Variants in COLGALT2 observed in about 807,000 individuals in gnomAD.
The protein encoded by COLGALT2 is procollagen galactosyltransferase 2.
COLGALT2 carries 49 observed loss-of-function variants against 73.4 expected under a neutral mutation model. The ratio of observed to expected loss-of-function variants is 0.67; its 90% CI spans 0.53 to 0.85. The LOEUF (loss-of-function observed/expected upper bound fraction) is 0.85, where lower values mean the gene tolerates loss of function less well. COLGALT2 is among the 40% of genes least tolerant of loss of function. The pLI is 0.00. For missense variants in COLGALT2, 722 were observed against 790.2 expected, an observed-to-expected ratio of 0.91 and a Z score of 1.03; for synonymous variants, 295 against 307.6, an observed-to-expected ratio of 0.96 and a Z score of 0.43.
intron 1 of COLGALT2, among the ~76,000 whole-genome samples, chr1:184,012,588 C>A (rs1174829711): frequency 6.6e-6 from 1 of 152,126 alleles, no homozygotes; most frequent in Non-Finnish European, 1.5e-5. Flanking sequence ...CATGGAAATT[C>A]TAATAAACAT....
In COLGALT2 at chr1:183,938,799, T is replaced by C. The variant is rs201706556; in HGVS notation, c.1843A>G (p.Thr615Ala). ...CTTGAAGGCACAGTGTCCAGGGAGG[T>C]TGGCGGTGGCAGGGCCTCTGTGTTC... is the stretch of plus-strand genomic sequence containing the variant. ...AKNTEALPPP[T>A]SLDTVPSRDE... The change falls in exon 12 of 12, where the codon ACC becomes GCC. Residue 615 changes from threonine (T) to alanine (A), a missense_variant. By Grantham distance (58) the Thr-to-Ala change is moderately conservative. Transcript: ENST00000361927. The C allele has an allele frequency of 9.9e-6, 16 of 1,613,940 alleles. No individual in the cohort carries two copies. The highest frequency in any genetic ancestry group is 5.0e-5 in the Admixed American group (3 of 60,006).
At chr1:184,000,348 T>G (rs1020212440) in intron 1 of COLGALT2, among the ~76,000 whole-genome samples, 7 of 152,084 alleles carry the variant, frequency 4.6e-5, no homozygotes, top group African/African-American at 1.7e-4. Context: ...TGTTTTCCTC[T>G]CATTTTATGT....
chr1:184,028,126 G>T (rs182271069), intron 1 of COLGALT2, among the ~76,000 whole-genome samples: 63 of 152,286 alleles, frequency 4.1e-4, no homozygotes, highest in Non-Finnish European at 6.8e-4. Context: ...TTATGGGGCT[G>T]GCTGGCAACC....
At chr1:183,957,050 C>A (rs1670572456) in intron 6 of COLGALT2, among the ~76,000 whole-genome samples, 1 of 152,056 alleles carries the variant, frequency 6.6e-6, no homozygotes, top group African/African-American at 2.4e-5. Context: ...CCACTTGGGA[C>A]AATGGGCTTC....
intron 1 of COLGALT2, among the ~76,000 whole-genome samples, chr1:183,985,427 C>T (rs184491579): frequency 4.2e-4 from 64 of 152,334 alleles, no homozygotes; most frequent in Non-Finnish European, 1.2e-4. Flanking sequence ...CATGCGCCAC[C>T]ATGCCCAGCT....
intron 1 of COLGALT2, among the ~76,000 whole-genome samples, chr1:183,992,923 T>C (rs1044240644): frequency 4.6e-5 from 7 of 152,220 alleles, no homozygotes; most frequent in Non-Finnish European, 2.9e-5. Context: ...AATGTATTTC[T>C]CCTCTAATGG....
At chr1:183,998,121 G>A (rs1377681990) in intron 1 of COLGALT2, among the ~76,000 whole-genome samples, 3 of 152,214 alleles carry the variant, frequency 2.0e-5, no homozygotes, top group Non-Finnish European at 4.4e-5. Context: ...AGTCCCAGGA[G>A]CAGTATATGC....
chr1:183,978,499 C>A lies in COLGALT2; in HGVS notation c.285G>T (p.Val95=), dbSNP rs11579482. Residue 95 remains valine, a synonymous_variant, in exon 2 of 12, where the codon GTG becomes GTT. Transcript: ENST00000361927. Reference sequence around the variant, plus strand: ...CCCTGAATATTTCTGTTGTATTATCCACATTGTGATCAGTGGCTGCCCTGC... The same window carrying A: ...CCCTGAATATTTCTGTTGTATTATCAACATTGTGATCAGTGGCTGCCCTGC... ...MAIWAATDHN[V]DNTTEIFREW... 24,300 of 1,607,274 alleles carry A rather than the reference C, an allele frequency of 0.015. 238 individuals carry two copies. Among genetic ancestry groups the A allele is most frequent in the Middle Eastern group, 0.019 (116 of 6,044 alleles).
downstream of COLGALT2, chr1:183,935,696 C>G (rs1669933167): frequency 4.0e-6 from 1 of 247,996 alleles, no homozygotes; most frequent in African/African-American, 2.3e-5. Context: ...AGCAACCACC[C>G]TCCCCTCATT....
At chr1:183,934,751 A>T (rs763866464), downstream of COLGALT2, among the ~76,000 whole-genome samples, 1 of 152,094 alleles carries the variant, frequency 6.6e-6, no homozygotes, top group Non-Finnish European at 1.5e-5. Flanking sequence ...AGCGGGAGGG[A>T]TTTGCTCCAA....
Position 183,978,447 on chromosome 1 carries a change from A to G in COLGALT2, c.337T>C (p.Tyr113His), listed in dbSNP as rs1305194106. Residue 113 changes from tyrosine to histidine, a missense_variant, in exon 2 of 12, where the codon TAT becomes CAT. By Grantham distance (83) the Tyr-to-His change is moderately conservative. Transcript: ENST00000361927. ...REWLKNVQRL[Y>H]HYVEWRPMDE... is the part of the protein sequence containing the mutation. The stretch of plus-strand genomic sequence containing the variant: ...ATAGGCCTCCACTCCACATAGTGAT[A>G]GAGTCTCTGTACATTTTTCAACCAC... The G allele has an allele frequency of 2.5e-6, 4 of 1,611,166 alleles. No homozygotes were observed. In the East Asian group the frequency reaches 6.7e-5, roughly 27 times the overall value.
chr1:183,998,320 GT>G (rs1245647488), intron 1 of COLGALT2, among the ~76,000 whole-genome samples: 2 of 152,106 alleles, frequency 1.3e-5, no homozygotes, highest in African/African-American at 4.8e-5. Flanking sequence ...TGTGAAACCT[GT>G]TTGTATTTTT....
In COLGALT2 at chr1:183,936,014, T is replaced by C. The variant is rs1011115737; in HGVS notation, c.*2747A>G. The C allele has an allele frequency of 1.9e-5, 19 of 985,456 alleles. No individual in the cohort carries two copies. The highest frequency in any genetic ancestry group is 2.3e-5 in the Non-Finnish European group (19 of 829,970). 61.0% of individuals were successfully genotyped at this position (985,456 alleles called of 1,614,324 possible). A position where few individuals can be genotyped will look rare whatever the true frequency, so the allele number is the denominator to read the frequency against. On this transcript the variant is annotated 3_prime_UTR_variant, in exon 12 of 12. Transcript: ENST00000361927. ...AACCGCAAGCGGGGCCCATGCAGCG[T>C]GTCCTCTGCAAAGTGCAGGTGTTCA...
intron 7 of COLGALT2, among the ~76,000 whole-genome samples, 182 bp from the exon 8 acceptor site, chr1:183,951,295 A>G (rs1427714458): frequency 6.6e-6 from 1 of 152,232 alleles, no homozygotes; most frequent in African/African-American, 2.4e-5. Context: ...TTCAAACTGA[A>G]TTATTTTCAA....
In COLGALT2 at chr1:183,936,659, A is replaced by G; in HGVS notation, c.*2102T>C. ...GCACACATGCACACACTCAAATATG[A>G]AAACAAAAACCAGATACCCAAGGAA... On this transcript the variant is annotated 3_prime_UTR_variant, in exon 12 of 12. Coordinates refer to ENST00000361927, the MANE Select transcript of COLGALT2 (RefSeq NM_015101.4). The G allele has an allele frequency of 8.2e-7, 1 of 1,225,056 alleles. No individual in the cohort carries two copies. The highest frequency in any genetic ancestry group is 1.0e-6 in the Non-Finnish European group (1 of 984,460). 75.9% of individuals were successfully genotyped at this position (1,225,056 alleles called of 1,614,324 possible).
intron 1 of COLGALT2, among the ~76,000 whole-genome samples, chr1:184,026,236 C>A (rs1649328017): frequency 6.6e-6 from 1 of 151,998 alleles, no homozygotes. Context: ...CTGCCACCAG[C>A]CTCACTTCAT....
At chr1:184,030,519 C>T (rs1445248222) in intron 1 of COLGALT2, among the ~76,000 whole-genome samples, 1 of 152,080 alleles carries the variant, frequency 6.6e-6, no homozygotes, top group Non-Finnish European at 1.5e-5. Context: ...CTATACTGTG[C>T]CATAGACTTG....
At chr1:183,982,101 A>C (rs1671368216) in intron 1 of COLGALT2, among the ~76,000 whole-genome samples, 1 of 152,174 alleles carries the variant, frequency 6.6e-6, no homozygotes, top group African/African-American at 2.4e-5. Flanking sequence ...GATGAGAACC[A>C]ACTCTTCTCT....
intron 5 of COLGALT2, among the ~76,000 whole-genome samples, chr1:183,968,577 G>A (rs529905948): frequency 3.4e-4 from 52 of 152,288 alleles, no homozygotes; most frequent in African/African-American, 1.1e-3. Flanking sequence ...GAATAAAGAC[G>A]ACATTCTGAG....
Sources: gnomAD v4.1 joint callset for allele counts (sites outside exome capture counted in the v4.1 genomes callset) on GRCh38, gnomAD v4.1.1 for gene constraint, MANE v1.5 for transcripts, NCBI Gene and HGNC (gene_info 2026-07-23, HGNC 2026-07-21) for gene names.